Variants in ELFN1 observed in about 807,000 individuals in gnomAD.
ELFN1 encodes protein ELFN1.
In ELFN1, 6 loss-of-function variants were observed where a neutral mutation model predicts 7.6. The ratio of observed to expected loss-of-function variants is 0.79; its 90% CI spans 0.43 to 1.56. ELFN1 has a LOEUF of 1.56. ELFN1 is among the 40% of genes most tolerant of loss of function. ELFN1 has a pLI of 0.01. For synonymous variants in ELFN1, 657 were observed against 588.1 expected, an observed-to-expected ratio of 1.12 and a Z score of -1.70; for missense variants, 1,169 against 1,232.2, an observed-to-expected ratio of 0.95 and a Z score of 0.77.
At position 1,745,740 on chromosome 7, in the gene ELFN1, G is replaced by T; in HGVS notation, c.1144G>T (p.Val382Leu). ...FTLTNYTYCV[V>L]STSAGLRHNH... is the part of the protein sequence containing the mutation. ...GCTCACCAACTACACCTACTGCGTG[G>T]TGTCCACCAGCGCCGGGCTGCGCCA... The change falls in exon 4 of 4, where the codon GTG becomes TTG. Residue 382 changes from valine to leucine, a missense_variant. This residue lies in a region of ELFN1 where 914 missense variants were observed against 872.6 expected (regional missense o/e 1.05). Coordinates refer to ENST00000424383, the MANE Select transcript of ELFN1 (RefSeq NM_001128636.4). The T allele has an allele frequency of 6.4e-7, 1 of 1,551,378 alleles. No homozygotes were observed. Among genetic ancestry groups the T allele is most frequent in the Non-Finnish European group, 8.7e-7 (1 of 1,147,144 alleles).
At chr7:1,672,940 G>T (rs757627215) in intron 1 of ELFN1, among the ~76,000 whole-genome samples, 38 of 152,060 alleles carry the variant, frequency 2.5e-4, no homozygotes, top group Non-Finnish European at 4.6e-4. Flanking sequence ...GGGGCGGGGG[G>T]CAGGATTAAA....
intron 2 of ELFN1, among the ~76,000 whole-genome samples, chr7:1,706,652 A>C (rs945191253): frequency 1.3e-5 from 2 of 152,170 alleles, no homozygotes; most frequent in African/African-American, 2.4e-5. Flanking sequence ...GTTCAGAAGC[A>C]TGGGTTTCTA....
At position 1,696,091 on chromosome 7, in the gene ELFN1, G is replaced by A. The variant is rs1162644410; in HGVS notation, c.-456+7941G>A. On this transcript the variant is annotated intron_variant, in intron 2 of 3. Transcript: ENST00000424383. ...TGGAAGTCTGGGATCGGGTGCCAGC[G>A]GGGTTGGTTCTAGGAGGGCCAGTGT... Among the ~76,000 whole-genome samples the A allele has an allele frequency of 4.6e-5, 7 of 152,278 alleles. No homozygotes were observed. The South Asian group carries it at 1.2e-3, about 27-fold the overall frequency.
Position 1,746,824 on chromosome 7 carries a change from C to T in ELFN1, c.2228C>T (p.Pro743Leu), listed in dbSNP as rs1583413654. 1 of 1,535,444 alleles carries T rather than the reference C, an allele frequency of 6.5e-7. No homozygotes were observed. Among genetic ancestry groups the T allele is most frequent in the Non-Finnish European group, 8.8e-7 (1 of 1,141,362 alleles). The part of the protein sequence containing the change: ...KASILEPLTR[P>L]RPRDLAYSQL... ...TCCATCCTGGAGCCACTCACCCGGCCGCGGCCCCGCGACCTCGCCTACTCG... is the reference window on the plus strand; with the variant it reads ...TCCATCCTGGAGCCACTCACCCGGCTGCGGCCCCGCGACCTCGCCTACTCG... Residue 743 changes from proline to leucine, a missense_variant, in exon 4 of 4, where the codon CCG becomes CTG. Physicochemically the swap from Pro to Leu is moderately conservative, Grantham distance 98 (BLOSUM62 -3). Around this residue, in one of 2 missense-constraint regions of ELFN1, gnomAD observed 914 missense variants for 872.6 expected, o/e 1.05. Transcript: ENST00000424383.
chr7:1,745,626 A>G lies in ELFN1; in HGVS notation c.1030A>G (p.Thr344Ala), dbSNP rs2128606372. Reference protein sequence around the residue: ...QLPSPFHRMYTLEHFNNSKAS... With the variant: ...QLPSPFHRMYALEHFNNSKAS... Reference sequence around the variant, plus strand: ...GCCCAGCCCGTTCCACCGGATGTACACCCTGGAGCATTTCAACAACAGCAA... The same window carrying G: ...GCCCAGCCCGTTCCACCGGATGTACGCCCTGGAGCATTTCAACAACAGCAA... The change falls in exon 4 of 4, where the codon ACC becomes GCC. Residue 344 changes from threonine (T) to alanine (A), a missense_variant. Thr to Ala is a moderately conservative substitution (Grantham distance 58). This residue lies in a region of ELFN1 where 914 missense variants were observed against 872.6 expected (regional missense o/e 1.05). Coordinates refer to ENST00000424383, the MANE Select transcript of ELFN1 (RefSeq NM_001128636.4). 1 of 1,551,104 alleles carries G rather than the reference A, an allele frequency of 6.4e-7. No homozygotes were observed. Among genetic ancestry groups the G allele is most frequent in the Non-Finnish European group, 8.7e-7 (1 of 1,146,978 alleles).
chr7:1,746,018 G>C lies in ELFN1; in HGVS notation c.1422G>C (p.Glu474Asp), dbSNP rs961425799. 1.3e-6 allele frequency: 2 copies of C among 1,544,664 alleles called. No individual in the cohort carries two copies. Among genetic ancestry groups the C allele is most frequent in the Non-Finnish European group, 1.7e-6 (2 of 1,143,396 alleles). Residue 474 changes from glutamate to aspartate, a missense_variant, in exon 4 of 4, where the codon GAG (glutamate) becomes GAC (aspartate). Physicochemically the swap from Glu to Asp is conservative, Grantham distance 45. Around this residue, in one of 2 missense-constraint regions of ELFN1, gnomAD observed 914 missense variants for 872.6 expected, o/e 1.05. Coordinates refer to ENST00000424383, the MANE Select transcript of ELFN1 (RefSeq NM_001128636.4). Reference sequence around the variant, plus strand: ...TCATCGAGCTCAAGTACGGGCCAGAGCTGGAGGCGCCCGGCCTGGCCCCGC... The same window carrying C: ...TCATCGAGCTCAAGTACGGGCCAGACCTGGAGGCGCCCGGCCTGGCCCCGC... ...KTIIELKYGP[E>D]LEAPGLAPLS...
In ELFN1 at chr7:1,740,800, T is replaced by C. The variant is rs888737592; in HGVS notation, c.-293-3504T>C. On this transcript the variant is annotated intron_variant, in intron 3 of 3. Transcript: ENST00000424383. The surrounding 1 kb of genome is among the most constrained non-coding windows in gnomAD (Gnocchi z 5.0). ...AAGTCCTTCTGTGTCTGTGCCTCAG[T>C]TTCCCCGCTGTAAAGTGAGCTGCAG... Among the ~76,000 whole-genome samples, 1 of 152,110 alleles carries C rather than the reference T, an allele frequency of 6.6e-6. No individual in the cohort carries two copies. Among genetic ancestry groups the C allele is most frequent in the African/African-American group, 2.4e-5 (1 of 41,420 alleles).
chr7:1,727,176 T>C (rs1780221137), intron 3 of ELFN1, among the ~76,000 whole-genome samples: 1 of 152,118 alleles, frequency 6.6e-6, no homozygotes, highest in South Asian at 2.1e-4. Context: ...GAATGAATGA[T>C]TGTGAGAATG....
At chr7:1,714,362 G>A (rs1005576232) in intron 3 of ELFN1, among the ~76,000 whole-genome samples, 6 of 152,170 alleles carry the variant, frequency 3.9e-5, no homozygotes, top group Non-Finnish European at 7.3e-5. Context: ...GGGCTGGGCA[G>A]CATCCCCACC....
chr7:1,737,239 A>C (rs1780474281), intron 3 of ELFN1, among the ~76,000 whole-genome samples: 1 of 152,078 alleles, frequency 6.6e-6, no homozygotes, highest in Non-Finnish European at 1.5e-5. Context: ...AGCCCAGCCA[A>C]GCCTCCTCTT....
At position 1,695,403 on chromosome 7, in the gene ELFN1, G is replaced by A. The variant is rs1435797388; in HGVS notation, c.-456+7253G>A. 6.6e-6 allele frequency among the ~76,000 whole-genome samples: 1 copy of A among 152,132 alleles called. No individual in the cohort carries two copies. Among genetic ancestry groups the A allele is most frequent in the Non-Finnish European group, 1.5e-5 (1 of 68,020 alleles). On this transcript the variant is annotated intron_variant, in intron 2 of 3. Transcript: ENST00000424383. This position sits in a 1 kb window ranked among gnomAD's most constrained non-coding sequence, Gnocchi z 5.1. ...ATTGGCACAAGCCTGGGCGAGTCTC[G>A]CTGGGAGGCAGGAGCAGACTCAGCC...
At chr7:1,726,056 A>G (rs572361260) in intron 3 of ELFN1, among the ~76,000 whole-genome samples, 3 of 151,772 alleles carry the variant, frequency 2.0e-5, no homozygotes, top group Non-Finnish European at 4.4e-5. Flanking sequence ...ACTCACACAC[A>G]ATACACACAC....
chr7:1,699,643 A>G (rs963375416), intron 2 of ELFN1, among the ~76,000 whole-genome samples: 1 of 152,094 alleles, frequency 6.6e-6, no homozygotes, highest in Non-Finnish European at 1.5e-5. Flanking sequence ...TCCATCATAA[A>G]TAAATAAATA....
intron 1 of ELFN1, among the ~76,000 whole-genome samples, chr7:1,672,660 T>A (rs1048831506): frequency 6.6e-6 from 1 of 152,094 alleles, no homozygotes; most frequent in Non-Finnish European, 1.5e-5. Flanking sequence ...TTTGATAGAA[T>A]TTTCTAAGCA....
At chr7:1,685,647 T>A (rs1779049355) in intron 1 of ELFN1, among the ~76,000 whole-genome samples, 3 of 151,900 alleles carry the variant, frequency 2.0e-5, no homozygotes, top group African/African-American at 4.8e-5. Context: ...TTCCATTTTT[T>A]AAATAATTTC....
chr7:1,676,141 C>T (rs1019815243), intron 1 of ELFN1, among the ~76,000 whole-genome samples: 3 of 152,200 alleles, frequency 2.0e-5, no homozygotes, highest in South Asian at 2.1e-4. Context: ...AAGTGCCTAC[C>T]TCTGCCTAAA....
chr7:1,727,188 A>T (rs1780221341), intron 3 of ELFN1, among the ~76,000 whole-genome samples: 1 of 152,236 alleles, frequency 6.6e-6, no homozygotes, highest in South Asian at 2.1e-4. Flanking sequence ...GTGAGAATGA[A>T]GAATGAATGA....
Position 1,735,421 on chromosome 7 carries a change from C to T in ELFN1, c.-293-8883C>T, listed in dbSNP as rs1477819512. Among the ~76,000 whole-genome samples the T allele has an allele frequency of 6.6e-6, 1 of 152,060 alleles. No homozygotes were observed. The highest frequency in any genetic ancestry group is 1.5e-5 in the Non-Finnish European group (1 of 67,994). On this transcript the variant is annotated intron_variant, in intron 3 of 3. Coordinates refer to ENST00000424383, the MANE Select transcript of ELFN1 (RefSeq NM_001128636.4). The surrounding 1 kb of genome is among the most constrained non-coding windows in gnomAD (Gnocchi z 5.9). Reference sequence around the variant, plus strand: ...GACGTGGTGCAGGCAGCAGTCCCCTCCGTTCTACTCCCCAGCCCGGCCTCC... The same window carrying T: ...GACGTGGTGCAGGCAGCAGTCCCCTTCGTTCTACTCCCCAGCCCGGCCTCC...
intron 1 of ELFN1, among the ~76,000 whole-genome samples, chr7:1,671,020 C>T (rs1333170729): frequency 2.6e-5 from 4 of 152,210 alleles, no homozygotes. Flanking sequence ...TCGTCCTCGT[C>T]CCTCTGGGGG....
Sources: allele counts gnomAD v4.1 joint callset (sites outside exome capture counted in the v4.1 genomes callset), GRCh38; gene constraint gnomAD v4.1.1; regional missense constraint gnomAD v4.1.1; non-coding constraint Gnocchi (gnomAD v3.1); transcripts MANE v1.5; gene names NCBI Gene and HGNC (gene_info 2026-07-23, HGNC 2026-07-21).